The following DAB1 variants were observed in gnomAD, a reference collection of about 807,000 sequenced individuals.
DAB1 encodes DAB adaptor protein 1.
In DAB1, 15 loss-of-function variants were observed where a neutral mutation model predicts 64.6. The ratio of observed to expected loss-of-function variants is 0.23; its 90% CI spans 0.16 to 0.36. The LOEUF (loss-of-function observed/expected upper bound fraction) is 0.36. Among genes scored for constraint, DAB1 ranks in the 10% least tolerant of loss-of-function variants. The probability of loss-of-function intolerance (pLI) is 1.00; values close to 1 mark genes in which losing one functional copy is unlikely to be tolerated. For missense variants in DAB1, 596 were observed against 706.7 expected (o/e 0.84, Z 1.78); for synonymous variants, 235 against 251.9 (o/e 0.93, Z 0.64).
chr1:57,281,201 T>C (rs1347921016), intron 2 of DAB1, among the ~76,000 whole-genome samples: 5 of 152,110 alleles, frequency 3.3e-5, no homozygotes. Flanking sequence ...TCTCCCAGCC[T>C]AGTGAGTGAT....
At chr1:58,429,380 C>A (rs1328269704) in intron 3 of DAB1, among the ~76,000 whole-genome samples, 1 of 152,162 alleles carries the variant, frequency 6.6e-6, no homozygotes, top group East Asian at 1.9e-4. Context: ...TGTTCGAGAG[C>A]ACTTCAACCT....
At chr1:58,142,217 C>T (rs1446031206) in intron 5 of DAB1, among the ~76,000 whole-genome samples, 1 of 152,158 alleles carries the variant, frequency 6.6e-6, no homozygotes, top group Non-Finnish European at 1.5e-5. Context: ...CCTGCCACAC[C>T]TCATTTATCC....
At chr1:57,538,280 T>G (rs1048299715) in intron 7 of DAB1, among the ~76,000 whole-genome samples, 1 of 152,200 alleles carries the variant, frequency 6.6e-6, no homozygotes, top group Non-Finnish European at 1.5e-5. Flanking sequence ...TTGGCCCATG[T>G]ACTTTTCCTG....
chr1:57,018,721 T>C (rs964925564), intron 11 of DAB1, among the ~76,000 whole-genome samples: 1 of 152,186 alleles, frequency 6.6e-6, no homozygotes, highest in South Asian at 2.1e-4. Flanking sequence ...CTTGCTGCCA[T>C]GAAGGACTGT....
chr1:57,565,426 T>C (rs1645106454), intron 7 of DAB1, among the ~76,000 whole-genome samples: 2 of 152,098 alleles, frequency 1.3e-5, no homozygotes, highest in African/African-American at 2.4e-5. Flanking sequence ...CATAACAATA[T>C]TAACCTTAAA....
intron 4 of DAB1, among the ~76,000 whole-genome samples, chr1:58,196,239 G>A (rs1278773477): frequency 6.6e-6 from 1 of 152,226 alleles, no homozygotes; most frequent in African/African-American, 2.4e-5. Context: ...AGGCAGCCTT[G>A]TGTGTTCTGG....
At chr1:58,006,761 C>G (rs144526903) in intron 5 of DAB1, among the ~76,000 whole-genome samples, 232 of 152,278 alleles carry the variant, frequency 1.5e-3, no homozygotes, top group African/African-American at 5.3e-3. Flanking sequence ...TTCCCTCTCT[C>G]GCAAGCACCT....
At chr1:57,132,871 A>G (rs1283311736) in intron 4 of DAB1, among the ~76,000 whole-genome samples, 1 of 152,178 alleles carries the variant, frequency 6.6e-6, no homozygotes, top group East Asian at 1.9e-4. Context: ...CAGAGATAAT[A>G]GGGAATCTGC....
intron 9 of DAB1, among the ~76,000 whole-genome samples, chr1:57,028,240 T>C (rs1646855298): frequency 6.6e-6 from 1 of 152,190 alleles, no homozygotes; most frequent in South Asian, 2.1e-4. Flanking sequence ...TCTCACAAGA[T>C]CTGATGGGTT....
At chr1:57,791,703 A>C (rs1460626332) in intron 6 of DAB1, among the ~76,000 whole-genome samples, 1 of 152,126 alleles carries the variant, frequency 6.6e-6, no homozygotes, top group Non-Finnish European at 1.5e-5. Flanking sequence ...CTGCATATCC[A>C]ACAGCAAGAC....
intron 7 of DAB1, among the ~76,000 whole-genome samples, chr1:57,451,261 G>A (rs1355289844): frequency 6.6e-6 from 1 of 152,090 alleles, no homozygotes; most frequent in Non-Finnish European, 1.5e-5. Flanking sequence ...GCCTACTGAG[G>A]TTCAAAGACA....
Position 58,129,848 on chromosome 1 carries a change from AC to A in DAB1, n.387+20662del, listed in dbSNP as rs576783185. Among the ~76,000 whole-genome samples, 89 of 150,460 alleles carry A rather than the reference AC, an allele frequency of 5.9e-4. 2 individuals carry two copies. Among genetic ancestry groups the A allele is most frequent in the African/African-American group, 2.1e-3 (86 of 41,048 alleles). On this transcript the variant is annotated intron_variant and non_coding_transcript_variant, in intron 5 of 20. Coordinates refer to the DAB1 transcript ENST00000485760. ...AGTTTGTTATAATTTCTGTTCTTTT[AC>A]ATTTGCTGAGGAGAGCTTTACTTCC...
intron 4 of DAB1, among the ~76,000 whole-genome samples, chr1:57,074,757 TG>T (rs761480905): frequency 2.0e-5 from 3 of 152,178 alleles, no homozygotes; most frequent in Non-Finnish European, 4.4e-5. Context: ...GTCCCTCCAG[TG>T]GCAATAAAAC....
intron 3 of DAB1, among the ~76,000 whole-genome samples, chr1:58,481,460 G>C (rs1208431306): frequency 1.3e-5 from 2 of 152,042 alleles, no homozygotes; most frequent in East Asian, 3.8e-4. Flanking sequence ...AAATCTTAGA[G>C]ATACATCTAT....
At chr1:57,855,704 A>G (rs1450971510) in intron 1 of DAB1, among the ~76,000 whole-genome samples, 1 of 152,162 alleles carries the variant, frequency 6.6e-6, no homozygotes, top group Non-Finnish European at 1.5e-5. Context: ...AACAAGAAGA[A>G]AAGTGGTAGG....
At chr1:57,517,815 C>A (rs948278023) in intron 7 of DAB1, among the ~76,000 whole-genome samples, 3 of 152,178 alleles carry the variant, frequency 2.0e-5, no homozygotes, top group African/African-American at 4.8e-5. Context: ...ACATTCTCCA[C>A]ATTGTTTTCT....
At chr1:58,184,957 T>G (rs989522824) in intron 4 of DAB1, among the ~76,000 whole-genome samples, 1 of 152,170 alleles carries the variant, frequency 6.6e-6, no homozygotes, top group Non-Finnish European at 1.5e-5. Flanking sequence ...AGAGCAGCCA[T>G]GTCTAGCATG....
At chr1:58,096,346 A>G (rs1650979211) in intron 5 of DAB1, among the ~76,000 whole-genome samples, 1 of 152,224 alleles carries the variant, frequency 6.6e-6, no homozygotes, top group Admixed American at 6.5e-5. Flanking sequence ...CAGGATTATA[A>G]TAACTGTAAA....
At chr1:57,731,845 A>C (rs556614461) in intron 6 of DAB1, among the ~76,000 whole-genome samples, 1 of 152,170 alleles carries the variant, frequency 6.6e-6, no homozygotes, top group Admixed American at 6.5e-5. Flanking sequence ...TAAATATCAC[A>C]AGTACACTCC....
Sources: allele counts gnomAD v4.1 joint callset (sites outside exome capture counted in the v4.1 genomes callset), GRCh38; gene constraint gnomAD v4.1.1; transcripts MANE v1.5; gene names NCBI Gene and HGNC (gene_info 2026-07-23, HGNC 2026-07-21).